SPTBN4: variants seen among roughly 807,000 people sequenced by gnomAD.
The protein encoded by SPTBN4 is spectrin beta, non-erythrocytic 4, also known as spectrin beta chain, non-erythrocytic 4.
A neutral mutation model predicts 277.8 loss-of-function variants in SPTBN4; 96 were observed. The observed-to-expected ratio is 0.35, with a 90% CI of 0.29 to 0.41. The LOEUF (loss-of-function observed/expected upper bound fraction) is 0.41, where lower values mean the gene tolerates loss of function less well. Among genes scored for constraint, SPTBN4 ranks in the 10% least tolerant of loss-of-function variants. The pLI is 1.00. For synonymous variants in SPTBN4, 1,481 were observed against 1,580.3 expected (o/e 0.94, Z 1.49); for missense variants, 3,006 against 3,595.7 (o/e 0.84, Z 4.19).
At position 40,575,493 on chromosome 19, in the gene SPTBN4, C is replaced by T. The variant is rs1421556518; in HGVS notation, c.7619C>T (p.Pro2540Leu). Residue 2540 changes from proline (P) to leucine (L), a missense_variant, in exon 36 of 36, where the codon CCC becomes CTC. By Grantham distance (98) the Pro-to-Leu change is moderately conservative. Around this residue, in one of 5 missense-constraint regions of SPTBN4, gnomAD observed 630 missense variants for 677.6 expected, o/e 0.93. Coordinates refer to ENST00000598249, the MANE Select transcript of SPTBN4 (RefSeq NM_020971.3). Reference protein sequence around the residue: ...AEIARWGQTLPTTSSTDEGNP... With the variant: ...AEIARWGQTLLTTSSTDEGNP... ...ATCGCCCGCTGGGGCCAGACACTAC[C>T]CACTACTTCATCCACAGATGAGGGC... The T allele has an allele frequency of 4.3e-6, 7 of 1,613,480 alleles. No individual in the cohort carries two copies. In the South Asian group the frequency reaches 5.5e-5, roughly 13 times the overall value.
chr19:40,530,553 G>A, intron 18 of SPTBN4: 12 of 980,770 alleles, frequency 1.2e-5, no homozygotes, highest in Non-Finnish European at 1.3e-5. Context: ...CCGCCCGCCC[G>A]CTGCAGGGAC....
intron 2 of SPTBN4, among the ~76,000 whole-genome samples, chr19:40,478,637 C>T (rs2079975242): frequency 6.6e-6 from 1 of 152,088 alleles, no homozygotes. Flanking sequence ...CCTCTGCCTC[C>T]TGGGTTCAAG....
rs1375103680 is a variant in SPTBN4 at position 40,520,119 on chromosome 19, C to A, written c.3622C>A (p.Leu1208Ile). The A allele has an allele frequency of 6.8e-7, 1 of 1,460,022 alleles. No individual in the cohort carries two copies. Among genetic ancestry groups the A allele is most frequent in the Non-Finnish European group, 9.0e-7 (1 of 1,107,298 alleles). The allele number at this position is 1,460,022 out of a possible 1,614,324, so 90.4% of individuals were successfully genotyped here. A position where few individuals can be genotyped will look rare whatever the true frequency, so the allele number is the denominator to read the frequency against. Residue 1208 changes from leucine to isoleucine, a missense_variant, in exon 16 of 36, where the codon CTA (leucine) becomes ATA (isoleucine). Around this residue, in one of 5 missense-constraint regions of SPTBN4, gnomAD observed 1,759 missense variants for 2,061.5 expected, o/e 0.85. Coordinates refer to ENST00000598249, the MANE Select transcript of SPTBN4 (RefSeq NM_020971.3). ...CATCTACCAGCTCTTCCTGCGGGAT[C>A]TACGCCAGGCGCTCGTGGTGCTGCG... ...AHIYQLFLRD[L>I]RQALVVLRNQ...
intron 4 of SPTBN4, among the ~76,000 whole-genome samples, chr19:40,492,390 T>C (rs2080148734): frequency 6.6e-6 from 1 of 151,868 alleles, no homozygotes; most frequent in African/African-American, 2.4e-5. Context: ...ATGTTCCAGG[T>C]AGATGGAACA....
rs573408182 is a variant in SPTBN4 at position 40,546,185 on chromosome 19, A to G, written c.4360-3004A>G. Among the ~76,000 whole-genome samples the G allele has an allele frequency of 6.5e-4, 98 of 149,768 alleles. 1 individual carries two copies. The highest frequency in any genetic ancestry group is 2.2e-3 in the African/African-American group (89 of 40,698). The stretch of plus-strand genomic sequence containing the variant: ...GGTTGCAGTGAGCCGAGATCATGCC[A>G]TTGCACTCCAGCCTGGGCAAAAAGA... On this transcript the variant is annotated intron_variant, in intron 20 of 35. Coordinates refer to ENST00000598249, the MANE Select transcript of SPTBN4 (RefSeq NM_020971.3).
Position 40,575,495 on chromosome 19 carries a change from A to G in SPTBN4, c.7621A>G (p.Thr2541Ala), listed in dbSNP as rs775150382. 6.2e-7 allele frequency: 1 copy of G among 1,613,384 alleles called. No homozygotes were observed. Among genetic ancestry groups the G allele is most frequent in the Non-Finnish European group, 8.5e-7 (1 of 1,179,884 alleles). The change falls in exon 36 of 36, where the codon ACT (threonine) becomes GCT (alanine). Residue 2541 changes from threonine to alanine, a missense_variant. Thr to Ala is a moderately conservative substitution (Grantham distance 58, BLOSUM62 0). Coordinates refer to ENST00000598249, the MANE Select transcript of SPTBN4 (RefSeq NM_020971.3). ...CGCCCGCTGGGGCCAGACACTACCCACTACTTCATCCACAGATGAGGGCAA... is the reference window on the plus strand; with the variant it reads ...CGCCCGCTGGGGCCAGACACTACCCGCTACTTCATCCACAGATGAGGGCAA... ...EIARWGQTLPTTSSTDEGNPK... is the reference protein window; with the variant it reads ...EIARWGQTLPATSSTDEGNPK...
chr19:40,494,302 C>A (rs759766568), intron 5 of SPTBN4, among the ~76,000 whole-genome samples: 1 of 150,894 alleles, frequency 6.6e-6, no homozygotes, highest in Non-Finnish European at 1.5e-5. Context: ...CTTCTCTCCT[C>A]CCTCCTTCCC....
intron 26 of SPTBN4, among the ~76,000 whole-genome samples, chr19:40,559,170 T>A (rs1347251018): frequency 1.3e-5 from 2 of 152,160 alleles, no homozygotes; most frequent in East Asian, 3.9e-4. Flanking sequence ...CCTCAAGTGA[T>A]CTGCCCGCCT....
chr19:40,508,674 C>T (rs894613460), intron 13 of SPTBN4, among the ~76,000 whole-genome samples: 3 of 151,962 alleles, frequency 2.0e-5, no homozygotes, highest in Non-Finnish European at 1.5e-5. Context: ...GGCAACAGAG[C>T]GAGACCTCAT....
Position 40,502,465 on chromosome 19 carries a change from CTT to C in SPTBN4, c.1163_1164del (p.Phe388CysfsTer12). ...SKLRACNRRL[F>X]VPREGCGIWD... ...AACTGCGTGCCTGCAACCGTCGCCTCTTTGTGCCTCGGGAGGGCTGTGGCATC... is the reference window on the plus strand; with the variant it reads ...AACTGCGTGCCTGCAACCGTCGCCTCTGTGCCTCGGGAGGGCTGTGGCATC... On this transcript the variant is annotated frameshift_variant, in exon 10 of 36. Transcript: ENST00000598249. LOFTEE classifies it high-confidence loss of function. The surrounding 1 kb of genome is among the most constrained non-coding windows in gnomAD (Gnocchi z 4.9). 1 of 1,613,616 alleles carries C rather than the reference CTT, an allele frequency of 6.2e-7. No individual in the cohort carries two copies.
At chr19:40,487,119 C>T (rs2080080993) in intron 2 of SPTBN4, among the ~76,000 whole-genome samples, 1 of 151,804 alleles carries the variant, frequency 6.6e-6, no homozygotes, top group African/African-American at 2.4e-5. Context: ...TCACTGCAAC[C>T]TCCGCTCCCT....
intron 1 of SPTBN4, among the ~76,000 whole-genome samples, chr19:40,468,618 G>A (rs772933999): frequency 3.3e-5 from 5 of 152,088 alleles, no homozygotes; most frequent in Admixed American, 6.6e-5. Flanking sequence ...GGCCTCAAGT[G>A]ATCCACCTAC....
chr19:40,552,417 T>C (rs2145927810), intron 22 of SPTBN4, among the ~76,000 whole-genome samples: 2 of 140,666 alleles, frequency 1.4e-5, no homozygotes, highest in Middle Eastern at 7.5e-3. Flanking sequence ...ATTGCACCAT[T>C]GCAATACAGC....
In SPTBN4 at chr19:40,565,689, C is replaced by G; in HGVS notation, c.6083C>G (p.Thr2028Ser). 6.4e-7 allele frequency: 1 copy of G among 1,555,320 alleles called. No homozygotes were observed. ...CAGGCACAGCTGGACAAGCTGGGAA[C>G]CAGGAAGGAGGAGGTGTCGGAAAAG... Reference protein sequence around the residue: ...EIQAQLDKLGTRKEEVSEKWD... With the variant: ...EIQAQLDKLGSRKEEVSEKWD... Residue 2028 changes from threonine to serine, a missense_variant, in exon 29 of 36, where the codon ACC (threonine) becomes AGC (serine). Around this residue, in one of 5 missense-constraint regions of SPTBN4, gnomAD observed 425 missense variants for 594.7 expected, o/e 0.71. Transcript: ENST00000598249.
intron 30 of SPTBN4, 51 bp from the exon 31 acceptor site, chr19:40,567,611 AC>A: frequency 8.4e-7 from 1 of 1,190,520 alleles, no homozygotes; most frequent in Non-Finnish European, 1.1e-6. Flanking sequence ...CCTCCCCCTT[AC>A]CCCGCCCCGG....
rs1207441782 is a variant in SPTBN4, at chr19:40,503,982, G to A, written c.1515G>A (p.Arg505=). ...CCGAAGGCTACTACGATATCCGGCG[G>A]GTGGCAGCCCAGCGTGACAGCGTCC... ...LAAEGYYDIR[R]VAAQRDSVLR... The change falls in exon 12 of 36, where the codon CGG becomes CGA. Residue 505 remains arginine, a synonymous_variant. Coordinates refer to ENST00000598249, the MANE Select transcript of SPTBN4 (RefSeq NM_020971.3). 1 of 1,613,968 alleles carries A rather than the reference G, an allele frequency of 6.2e-7. No homozygotes were observed. The highest frequency in any genetic ancestry group is 8.5e-7 in the Non-Finnish European group (1 of 1,180,002).
At chr19:40,523,410 C>T (rs1275562504) in intron 16 of SPTBN4, 27 bp from the exon 17 acceptor site, 7 of 1,566,662 alleles carry the variant, frequency 4.5e-6, no homozygotes, top group Admixed American at 1.9e-5. Flanking sequence ...TGAGGCTGAC[C>T]TTTGCACCAC....
rs1253031679 is a variant in SPTBN4, at chr19:40,519,508, G to A, written c.3011G>A (p.Arg1004His). 1.9e-6 allele frequency: 3 copies of A among 1,607,302 alleles called. No homozygotes were observed. The highest frequency in any genetic ancestry group is 2.5e-6 in the Non-Finnish European group (3 of 1,177,836). Residue 1004 changes from arginine to histidine, a missense_variant, in exon 16 of 36, where the codon CGT (arginine) becomes CAT (histidine). Physicochemically the swap from Arg to His is conservative, Grantham distance 29. Around this residue, in one of 5 missense-constraint regions of SPTBN4, gnomAD observed 1,759 missense variants for 2,061.5 expected, o/e 0.85. Transcript: ENST00000598249. The surrounding 1 kb of genome is among the most constrained non-coding windows in gnomAD (Gnocchi z 5.7). ...LEVAEVRAQV[R>H]EKRRAVESAP... is the part of the protein sequence containing the mutation. ...GTGGCCGAGGTGCGCGCCCAGGTGC[G>A]TGAGAAGCGGAGAGCTGTGGAGAGC...
At position 40,560,866 on chromosome 19, in the gene SPTBN4, T is replaced by A. The variant is rs1599812147; in HGVS notation, c.5915+463T>A. 2.2e-6 allele frequency: 1 copy of A among 462,244 alleles called. No homozygotes were observed. The highest frequency in any genetic ancestry group is 1.0e-4 in the East Asian group (1 of 9,822). The allele number at this position is 462,244 out of a possible 1,614,324, so 28.6% of individuals were successfully genotyped here. A position where few individuals can be genotyped will look rare whatever the true frequency, so the allele number is the denominator to read the frequency against. ...ATTGGGAGCCAGGGTCCTTCCATCATGCCACCCTGGGAGTCACATGCTGGA... is the reference window on the plus strand; with the variant it reads ...ATTGGGAGCCAGGGTCCTTCCATCAAGCCACCCTGGGAGTCACATGCTGGA... On this transcript the variant is annotated intron_variant, in intron 27 of 35. Transcript: ENST00000598249. The surrounding 1 kb of genome is among the most constrained non-coding windows in gnomAD (Gnocchi z 5.2).
Sources: gnomAD v4.1 joint callset for allele counts (sites outside exome capture counted in the v4.1 genomes callset) on GRCh38, gnomAD v4.1.1 for gene constraint, gnomAD v4.1.1 regional missense constraint, Gnocchi (gnomAD v3.1) non-coding constraint, MANE v1.5 for transcripts, NCBI Gene and HGNC (gene_info 2026-07-23, HGNC 2026-07-21) for gene names.